PLCB1: variants seen among roughly 807,000 people sequenced by gnomAD.
PLCB1 encodes 1-phosphatidylinositol 4,5-bisphosphate phosphodiesterase beta-1.
In PLCB1, 46 loss-of-function variants were observed where a neutral mutation model predicts 161.8. That is an observed-to-expected ratio of 0.28 (90% CI 0.22 to 0.36). The LOEUF is 0.36. Ranked by LOEUF, PLCB1 falls within the 10% of genes least tolerant of loss-of-function variation. PLCB1 has a pLI of 1.00. For missense variants in PLCB1, 1,016 were observed against 1,472.5 expected, an observed-to-expected ratio of 0.69 and a Z score of 5.07; for synonymous variants, 517 against 503.7, an observed-to-expected ratio of 1.03 and a Z score of -0.35.
At chr20:8,509,779 TA>T (rs1983799451) in intron 3 of PLCB1, among the ~76,000 whole-genome samples, 4 of 117,074 alleles carry the variant, frequency 3.4e-5, no homozygotes, top group Admixed American at 8.7e-5. Context: ...GATAGATAGA[TA>T]GATAGCATGA....
chr20:8,487,961 C>T (rs755446809), intron 3 of PLCB1, among the ~76,000 whole-genome samples: 1 of 152,194 alleles, frequency 6.6e-6, no homozygotes, highest in South Asian at 2.1e-4. Context: ...GCTCCCTTGC[C>T]TCTAGGTGGG....
chr20:8,766,967 G>C (rs1331628026), intron 26 of PLCB1, among the ~76,000 whole-genome samples: 1 of 152,158 alleles, frequency 6.6e-6, no homozygotes, highest in Non-Finnish European at 1.5e-5. Context: ...GACATGGAGA[G>C]AAGGGGATGA....
chr20:8,559,028 A>G (rs1477010523), intron 3 of PLCB1, among the ~76,000 whole-genome samples: 1 of 151,898 alleles, frequency 6.6e-6, no homozygotes, highest in Admixed American at 6.6e-5. Context: ...AAAAGTAAAT[A>G]CATAGTCCTA....
intron 31 of PLCB1, among the ~76,000 whole-genome samples, chr20:8,842,398 C>G (rs888237908): frequency 1.3e-5 from 2 of 152,126 alleles, no homozygotes; most frequent in African/African-American, 4.8e-5. Context: ...TGGTTTTAAA[C>G]ACATAAAGTG....
chr20:8,659,725 C>T (rs1371273170), intron 9 of PLCB1, among the ~76,000 whole-genome samples: 1 of 152,108 alleles, frequency 6.6e-6, no homozygotes, highest in African/African-American at 2.4e-5. Context: ...GGCACTGTGG[C>T]TCACGTCTGT....
intron 3 of PLCB1, among the ~76,000 whole-genome samples, chr20:8,447,452 A>G (rs147935640): frequency 1.7e-4 from 26 of 152,320 alleles, no homozygotes; most frequent in African/African-American, 5.8e-4. Context: ...TACCTAGAAT[A>G]CTACTAATAA....
chr20:8,757,036 A>G lies in PLCB1; in HGVS notation c.2524-10A>G. 5 of 1,582,980 alleles carry G rather than the reference A, an allele frequency of 3.2e-6. No individual in the cohort carries two copies. The highest frequency in any genetic ancestry group is 4.3e-6 in the Non-Finnish European group (5 of 1,167,190). On this transcript the variant is annotated splice_polypyrimidine_tract_variant and intron_variant, in intron 23 of 31. Coordinates refer to ENST00000338037, the MANE Select transcript of PLCB1 (RefSeq NM_015192.4). Reference sequence around the variant, plus strand: ...AAATGTGGAAAATGAAAGGATATTTATAATTTTAGGCTGATCCTGGAGAAA... The same window carrying G: ...AAATGTGGAAAATGAAAGGATATTTGTAATTTTAGGCTGATCCTGGAGAAA...
chr20:8,593,355 G>T (rs181195766), intron 3 of PLCB1, among the ~76,000 whole-genome samples: 173 of 150,584 alleles, frequency 1.1e-3, no homozygotes, highest in Middle Eastern at 3.4e-3. Flanking sequence ...GTGTGCGCGT[G>T]TGTGTGTGTG....
intron 2 of PLCB1, among the ~76,000 whole-genome samples, chr20:8,344,522 AAGTTCT>A (rs1985925295): frequency 6.6e-6 from 1 of 152,164 alleles, no homozygotes; most frequent in South Asian, 2.1e-4. Context: ...TTTCATGCGC[AAGTTCT>A]AGGCTTCTCA....
chr20:8,417,188 G>A (rs1363730690), intron 3 of PLCB1, among the ~76,000 whole-genome samples: 2 of 137,348 alleles, frequency 1.5e-5, no homozygotes, highest in Non-Finnish European at 3.0e-5. Context: ...CCAGGTTCAC[G>A]CCATTCTTCT....
At chr20:8,774,985 C>T (rs1486114651) in intron 27 of PLCB1, among the ~76,000 whole-genome samples, 6 of 150,906 alleles carry the variant, frequency 4.0e-5, no homozygotes, top group African/African-American at 1.5e-4. Flanking sequence ...TTTATAATTG[C>T]TTTTGGGAAT....
chr20:8,276,523 A>G (rs1281743636), intron 2 of PLCB1, among the ~76,000 whole-genome samples: 2 of 152,200 alleles, frequency 1.3e-5, no homozygotes, highest in Non-Finnish European at 2.9e-5. Context: ...GTTATGTCAT[A>G]CAATGGAAAT....
intron 3 of PLCB1, among the ~76,000 whole-genome samples, chr20:8,627,059 G>A (rs1008956588): frequency 2.6e-4 from 40 of 152,170 alleles, no homozygotes; most frequent in African/African-American, 8.7e-4. Flanking sequence ...TAGGAGGCTT[G>A]ATGTACTTGA....
At chr20:8,583,040 GATGAACCTTACA>G (rs1986884766) in intron 3 of PLCB1, among the ~76,000 whole-genome samples, 2 of 85,816 alleles carry the variant, frequency 2.3e-5, no homozygotes, top group East Asian at 7.6e-4. Context: ...CTCCAACATT[GATGAACCTTACA>G]TTGATGAACC....
intron 2 of PLCB1, among the ~76,000 whole-genome samples, chr20:8,290,059 G>C (rs1023731524): frequency 6.6e-6 from 1 of 152,096 alleles, no homozygotes; most frequent in African/African-American, 2.4e-5. Flanking sequence ...AATTTTTACT[G>C]TGTACCCTAA....
chr20:8,795,511 T>G (rs1337885705), intron 31 of PLCB1, among the ~76,000 whole-genome samples: 1 of 152,198 alleles, frequency 6.6e-6, no homozygotes, highest in Non-Finnish European at 1.5e-5. Flanking sequence ...AATGAGATAT[T>G]CGATTCAGTC....
intron 2 of PLCB1, among the ~76,000 whole-genome samples, chr20:8,227,874 A>C (rs1033611665): frequency 2.0e-5 from 3 of 152,210 alleles, no homozygotes; most frequent in African/African-American, 7.2e-5. Context: ...GCATGGATGA[A>C]GCAAGAGTGA....
At chr20:8,618,549 G>C (rs1223024020) in intron 3 of PLCB1, among the ~76,000 whole-genome samples, 1 of 151,754 alleles carries the variant, frequency 6.6e-6, no homozygotes, top group African/African-American at 2.4e-5. Context: ...TCTGGTGATA[G>C]CTTTTACAAT....
chr20:8,298,788 T>C (rs1983755158), intron 2 of PLCB1, among the ~76,000 whole-genome samples: 2 of 152,188 alleles, frequency 1.3e-5, no homozygotes, highest in Admixed American at 1.3e-4. Flanking sequence ...TATTCAAATC[T>C]CTGATGGTAT....
Sources: allele counts gnomAD v4.1 joint callset (sites outside exome capture counted in the v4.1 genomes callset), GRCh38; gene constraint gnomAD v4.1.1; transcripts MANE v1.5; gene names NCBI Gene and HGNC (gene_info 2026-07-23, HGNC 2026-07-21).